LOC102723971: variants seen among roughly 807,000 people sequenced by gnomAD.
At chr9:135,618,473 C>A in the LOC102723971 span, among the ~76,000 whole-genome samples, 2 of 152,088 alleles carry the variant, frequency 1.3e-5, no homozygotes, top group African/African-American at 4.8e-5. Flanking sequence ...ATCATCCAGC[C>A]CTAGTGCAGG....
chr9:135,619,719 C>T, the LOC102723971 span, among the ~76,000 whole-genome samples: 4 of 152,176 alleles, frequency 2.6e-5, no homozygotes, highest in South Asian at 2.1e-4. Flanking sequence ...CTTCTGCACC[C>T]GGTGAGCCAG....
At chr9:135,616,881 G>T in the LOC102723971 span, 1 of 398,672 alleles carries the variant, frequency 2.5e-6, no homozygotes, top group Non-Finnish European at 4.4e-6. Flanking sequence ...GAGGCATCGT[G>T]CATCAGCTGG....
chr9:135,614,946 C>A, the LOC102723971 span, among the ~76,000 whole-genome samples: 1 of 152,130 alleles, frequency 6.6e-6, no homozygotes, highest in Non-Finnish European at 1.5e-5. Flanking sequence ...GTGGGGGCAG[C>A]AAGTGGGGAA....
At chr9:135,616,407 G>A in the LOC102723971 span, among the ~76,000 whole-genome samples, 2 of 152,290 alleles carry the variant, frequency 1.3e-5, no homozygotes, top group Middle Eastern at 3.4e-3. Flanking sequence ...GCCTGTGCCA[G>A]GACGAGGCTG....
At chr9:135,618,068 T>C in the LOC102723971 span, 4 of 398,544 alleles carry the variant, frequency 1.0e-5, no homozygotes, top group African/African-American at 8.2e-5. Flanking sequence ...CCCAGCCACA[T>C]CCTGGAGCCG....
chr9:135,618,580 G>A, the LOC102723971 span, among the ~76,000 whole-genome samples: 2 of 152,124 alleles, frequency 1.3e-5, no homozygotes, highest in South Asian at 4.2e-4. Context: ...GAGCATGACC[G>A]TGCTGTGTGA....
the LOC102723971 span, among the ~76,000 whole-genome samples, chr9:135,619,243 C>A: frequency 6.6e-6 from 1 of 152,208 alleles, no homozygotes; most frequent in African/African-American, 2.4e-5. Context: ...CCCAGCCTGG[C>A]CTGTGGGCCT....
chr9:135,618,579 C>A, the LOC102723971 span, among the ~76,000 whole-genome samples: 1 of 151,880 alleles, frequency 6.6e-6, no homozygotes, highest in African/African-American at 2.4e-5. Context: ...GGAGCATGAC[C>A]GTGCTGTGTG....
At chr9:135,616,366 C>A in the LOC102723971 span, among the ~76,000 whole-genome samples, 2 of 152,212 alleles carry the variant, frequency 1.3e-5, no homozygotes, top group Non-Finnish European at 2.9e-5. Context: ...ACCCCCTGGG[C>A]ATCGCCACCT....
At chr9:135,616,100 CTG>C in the LOC102723971 span, among the ~76,000 whole-genome samples, 1 of 152,212 alleles carries the variant, frequency 6.6e-6, no homozygotes, top group Non-Finnish European at 1.5e-5. Context: ...AAATGAGAAA[CTG>C]AAGACCCCGG....
At chr9:135,616,868 A>G in the LOC102723971 span, 1 of 398,516 alleles carries the variant, frequency 2.5e-6, no homozygotes, top group East Asian at 3.6e-5. Flanking sequence ...GGGACGGAGG[A>G]GAGAGGCATC....
At chr9:135,619,263 C>T in the LOC102723971 span, among the ~76,000 whole-genome samples, 3 of 152,188 alleles carry the variant, frequency 2.0e-5, no homozygotes, top group Admixed American at 1.3e-4. Flanking sequence ...TGGAGCACAC[C>T]CAGGGTGGTG....
the LOC102723971 span, among the ~76,000 whole-genome samples, chr9:135,616,395 G>C: frequency 6.6e-6 from 1 of 152,184 alleles, no homozygotes. Context: ...CATGACCCTG[G>C]TGCCTGTGCC....
the LOC102723971 span, chr9:135,616,455 G>A: frequency 5.1e-6 from 2 of 395,860 alleles, no homozygotes; most frequent in East Asian, 3.6e-5. Flanking sequence ...GGGGAGGACA[G>A]GAGGGCTCTC....
chr9:135,614,622 C>T, the LOC102723971 span, among the ~76,000 whole-genome samples: 1 of 152,124 alleles, frequency 6.6e-6, no homozygotes, highest in Non-Finnish European at 1.5e-5. Flanking sequence ...AACAGCAGGT[C>T]GCAGGAGAAG....
chr9:135,615,758 G>A, the LOC102723971 span, among the ~76,000 whole-genome samples: 5 of 152,144 alleles, frequency 3.3e-5, no homozygotes, highest in African/African-American at 7.2e-5. Flanking sequence ...AAGGAAGCCC[G>A]GGTCTGGAGT....
At chr9:135,614,444 G>C in the LOC102723971 span, 2 of 387,042 alleles carry the variant, frequency 5.2e-6, no homozygotes, top group Non-Finnish European at 9.1e-6. Context: ...AGACAGGGGG[G>C]TGCCGGGGTT....
chr9:135,618,458 G>A, the LOC102723971 span, among the ~76,000 whole-genome samples: 4 of 152,092 alleles, frequency 2.6e-5, no homozygotes, highest in Non-Finnish European at 1.5e-5. Context: ...GAACAAGACA[G>A]ACACATCATC....
chr9:135,617,694 G>A, the LOC102723971 span, among the ~76,000 whole-genome samples: 50 of 152,238 alleles, frequency 3.3e-4, no homozygotes, highest in African/African-American at 1.0e-3. Flanking sequence ...TTTACCTGCC[G>A]TGCTCAGAAC....
Sources: gnomAD v4.1 joint callset for allele counts (sites outside exome capture counted in the v4.1 genomes callset) on GRCh38, gnomAD v4.1.1 for gene constraint, MANE v1.5 for transcripts.